The following AFF3 variants were observed in gnomAD, a reference collection of about 807,000 sequenced individuals.
AFF3 encodes the protein AF4/FMR2 family member 3.
Under a neutral mutation model 129.7 loss-of-function variants are expected in AFF3, and 32 were observed. The observed-to-expected ratio is 0.25, with a 90% CI of 0.19 to 0.33. The LOEUF (loss-of-function observed/expected upper bound fraction) is 0.33. Ranked by LOEUF, AFF3 falls within the 10% of genes least tolerant of loss-of-function variation. The pLI is 1.00. For synonymous variants in AFF3, 644 were observed against 635.4 expected (o/e 1.01, Z -0.20); for missense variants, 1,373 against 1,592.0 (o/e 0.86, Z 2.34).
intron 4 of AFF3, among the ~76,000 whole-genome samples, chr2:100,028,049 T>C (rs1018659079): frequency 1.3e-5 from 2 of 152,196 alleles, no homozygotes; most frequent in Admixed American, 6.5e-5. Context: ...CATATCCTCA[T>C]TAATCATCAA....
intron 20 of AFF3, among the ~76,000 whole-genome samples, chr2:99,562,946 G>A (rs1333196392): frequency 6.6e-6 from 1 of 152,154 alleles, no homozygotes; most frequent in African/African-American, 2.4e-5. Context: ...GTGGAAGGGT[G>A]GGAGGAGAGG....
chr2:99,557,979 T>G (rs1479823659), intron 22 of AFF3, among the ~76,000 whole-genome samples: 1 of 152,214 alleles, frequency 6.6e-6, no homozygotes. Flanking sequence ...AAGGTCGACC[T>G]CACAACAGTA....
chr2:99,828,383 C>T (rs1360293470), intron 8 of AFF3, among the ~76,000 whole-genome samples: 2 of 152,164 alleles, frequency 1.3e-5, no homozygotes, highest in African/African-American at 2.4e-5. Context: ...ACGTCGCAAC[C>T]GGCTGGCTGC....
At chr2:100,047,257 A>G (rs1382700870) in intron 4 of AFF3, among the ~76,000 whole-genome samples, 1 of 152,174 alleles carries the variant, frequency 6.6e-6, no homozygotes, top group African/African-American at 2.4e-5. Context: ...CATGTGCCCA[A>G]TGTACTTTAT....
chr2:99,686,385 T>A (rs914296205), intron 11 of AFF3, among the ~76,000 whole-genome samples: 16 of 152,120 alleles, frequency 1.1e-4, no homozygotes, highest in Non-Finnish European at 1.5e-4. Context: ...GCACACTCCC[T>A]CTCCAGGACT....
At chr2:99,949,190 A>G (rs1025058580) in intron 7 of AFF3, among the ~76,000 whole-genome samples, 1 of 152,252 alleles carries the variant, frequency 6.6e-6, no homozygotes, top group African/African-American at 2.4e-5. Flanking sequence ...GGGGCTGTCA[A>G]GAATTAAGTG....
At chr2:99,703,008 T>G (rs1677018005) in intron 11 of AFF3, among the ~76,000 whole-genome samples, 1 of 152,246 alleles carries the variant, frequency 6.6e-6, no homozygotes, top group South Asian at 2.1e-4. Context: ...CAAAGATATT[T>G]TCTTATGTTT....
chr2:99,658,651 T>C (rs550661636), intron 12 of AFF3, among the ~76,000 whole-genome samples: 6 of 152,334 alleles, frequency 3.9e-5, no homozygotes, highest in African/African-American at 1.2e-4. Context: ...CCAGTGCATT[T>C]AAGATATTGA....
intron 7 of AFF3, among the ~76,000 whole-genome samples, chr2:99,909,816 C>G (rs1028252232): frequency 7.2e-5 from 11 of 152,066 alleles, no homozygotes; most frequent in African/African-American, 2.4e-4. Flanking sequence ...ATATGATCAG[C>G]TTTCTACTTC....
At chr2:100,083,086 G>A (rs1330259155) in intron 4 of AFF3, among the ~76,000 whole-genome samples, 5 of 151,754 alleles carry the variant, frequency 3.3e-5, no homozygotes, top group Non-Finnish European at 7.4e-5. Flanking sequence ...GCAAAACTCC[G>A]TCTCAAAAAA....
chr2:99,843,723 TTA>T (rs1262952737), intron 7 of AFF3, among the ~76,000 whole-genome samples: 2 of 152,230 alleles, frequency 1.3e-5, no homozygotes, highest in Non-Finnish European at 2.9e-5. Flanking sequence ...TCGTTAATAA[TTA>T]TATTAGTTGA....
At chr2:100,117,597 C>T (rs185569957) in intron 2 of AFF3, among the ~76,000 whole-genome samples, 3 of 152,164 alleles carry the variant, frequency 2.0e-5, no homozygotes, top group Admixed American at 6.5e-5. Flanking sequence ...TTACGTGGAG[C>T]GCATAGGTGT....
intron 13 of AFF3, among the ~76,000 whole-genome samples, chr2:99,615,227 T>C (rs1681299369): frequency 6.6e-6 from 1 of 152,196 alleles, no homozygotes; most frequent in African/African-American, 2.4e-5. Flanking sequence ...GGAGTCCAGA[T>C]GGTAGAGGGC....
At chr2:100,001,325 T>G (rs774052619) in intron 7 of AFF3, among the ~76,000 whole-genome samples, 79 of 152,238 alleles carry the variant, frequency 5.2e-4, no homozygotes, top group Non-Finnish European at 9.7e-4. Context: ...ACACACACGA[T>G]ACATTTTAAC....
chr2:99,625,043 T>G (rs757058821), intron 13 of AFF3, among the ~76,000 whole-genome samples: 8 of 152,190 alleles, frequency 5.3e-5, no homozygotes, highest in Non-Finnish European at 1.2e-4. Flanking sequence ...GGAAGTGAGA[T>G]GCTTATTCTA....
At chr2:99,587,829 G>C (rs1678279301) in intron 15 of AFF3, among the ~76,000 whole-genome samples, 1 of 152,064 alleles carries the variant, frequency 6.6e-6, no homozygotes, top group Non-Finnish European at 1.5e-5. Flanking sequence ...GGCCAACATG[G>C]TGAAACCCCA....
intron 13 of AFF3, among the ~76,000 whole-genome samples, chr2:99,611,705 G>A (rs1680941903): frequency 6.6e-6 from 1 of 152,076 alleles, no homozygotes; most frequent in African/African-American, 2.4e-5. Context: ...TGGCCAACAT[G>A]GTAAAACCCC....
intron 7 of AFF3, among the ~76,000 whole-genome samples, chr2:99,974,428 CACTG>C (rs1333719658): frequency 6.6e-6 from 1 of 152,206 alleles, no homozygotes; most frequent in Non-Finnish European, 1.5e-5. Flanking sequence ...GCGATTCTGA[CACTG>C]ACTGCATGAC....
chr2:99,676,416 C>A (rs948173639), intron 11 of AFF3, among the ~76,000 whole-genome samples: 10 of 152,174 alleles, frequency 6.6e-5, no homozygotes, highest in Non-Finnish European at 1.3e-4. Context: ...GGGACTCCAG[C>A]GTCACACTGC....
Sources: allele counts gnomAD v4.1 joint callset (sites outside exome capture counted in the v4.1 genomes callset), GRCh38; gene constraint gnomAD v4.1.1; transcripts MANE v1.5; gene names NCBI Gene and HGNC (gene_info 2026-07-23, HGNC 2026-07-21).